The following LYPD8 variants were observed in gnomAD, a reference collection of about 807,000 sequenced individuals.
The protein encoded by LYPD8 is LY6/PLAUR domain containing 8, also known as ly6/PLAUR domain-containing protein 8.
In LYPD8, 8 loss-of-function variants were observed where a neutral mutation model predicts 1.7. That is an observed-to-expected ratio of 4.58 (90% CI 2.69 to 8.27). The LOEUF is 8.27. Ranked by LOEUF, LYPD8 falls within the 30% of genes most tolerant of loss-of-function variation. The pLI is 0.00. For missense variants in LYPD8, 112 were observed against 102.3 expected (o/e 1.09, Z -0.41); for synonymous variants, 50 against 43.6 (o/e 1.15, Z -0.58).
intron 2 of LYPD8, among the ~76,000 whole-genome samples, chr1:248,752,665 ACAC>A (rs1281931832): frequency 1.7e-4 from 21 of 126,348 alleles, no homozygotes; most frequent in Admixed American, 1.2e-3. Flanking sequence ...CACACCACAC[ACAC>A]CACACCACAC....
At chr1:248,746,647 G>C (rs1178169337) in intron 5 of LYPD8, among the ~76,000 whole-genome samples, 4,028 of 59,588 alleles carry the variant, frequency 0.068, 24 homozygotes, top group East Asian at 0.19. Flanking sequence ...CCAGGGCATC[G>C]CCCGCACGGC....
chr1:248,741,324 A>G (rs1662593334), intron 6 of LYPD8, among the ~76,000 whole-genome samples: 1 of 152,194 alleles, frequency 6.6e-6, no homozygotes, highest in South Asian at 2.1e-4. Context: ...CTCCTGCCTC[A>G]GCCCCCTGAG....
chr1:248,754,661 T>G (rs1321958550), intron 2 of LYPD8, among the ~76,000 whole-genome samples: 3 of 152,064 alleles, frequency 2.0e-5, no homozygotes, highest in Non-Finnish European at 4.4e-5. Flanking sequence ...CCTGATACCC[T>G]GGTTGACTTA....
At position 248,753,224 on chromosome 1, in the gene LYPD8, A is replaced by ACAC. The variant is rs1662855366; in HGVS notation, c.-50+2012_-50+2014dup. ...CCCCACACAACACACACACCACACC[A>ACAC]CACACACACACCACACACCCCACAC... On this transcript the variant is annotated intron_variant, in intron 2 of 6. Coordinates refer to ENST00000590317, the MANE Select transcript of LYPD8 (RefSeq NM_001085474.2). 1.2e-3 allele frequency among the ~76,000 whole-genome samples: 65 copies of ACAC among 55,992 alleles called. 1 individual carries two copies. The highest frequency in any genetic ancestry group is 2.1e-3 in the South Asian group (4 of 1,946). The allele number at this position is 55,992 out of a possible 152,430, so 36.7% of individuals were successfully genotyped here.
intron 6 of LYPD8, among the ~76,000 whole-genome samples, chr1:248,744,756 T>C (rs1353076984): frequency 6.6e-6 from 1 of 152,224 alleles, no homozygotes; most frequent in Non-Finnish European, 1.5e-5. Context: ...CCAACACCTC[T>C]TAGTGACAAC....
intron 6 of LYPD8, among the ~76,000 whole-genome samples, chr1:248,740,726 G>A (rs1553283239): frequency 1.9e-3 from 291 of 149,456 alleles, no homozygotes; most frequent in African/African-American, 6.8e-3. Context: ...ATGAAGCAGG[G>A]CCACAATTTG....
chr1:248,744,643 T>C (rs1373237119), intron 6 of LYPD8, among the ~76,000 whole-genome samples: 1 of 152,068 alleles, frequency 6.6e-6, no homozygotes, highest in African/African-American at 2.4e-5. Context: ...CAAATGTGTA[T>C]TTTACGATAG....
chr1:248,750,250 A>G (rs1377017880), intron 4 of LYPD8, among the ~76,000 whole-genome samples: 1 of 152,122 alleles, frequency 6.6e-6, no homozygotes, highest in African/African-American at 2.4e-5. Context: ...CTTGCTTCTC[A>G]CATCCACTGA....
intron 2 of LYPD8, among the ~76,000 whole-genome samples, chr1:248,753,920 C>A (rs1400682344): frequency 1.3e-5 from 2 of 150,412 alleles, no homozygotes; most frequent in African/African-American, 4.9e-5. Flanking sequence ...ATACTACATA[C>A]ACACAACACA....
At chr1:248,753,329 T>C (rs1250682166) in intron 2 of LYPD8, among the ~76,000 whole-genome samples, 242 of 30,966 alleles carry the variant, frequency 7.8e-3, no homozygotes, top group Admixed American at 0.011. Context: ...ACACAACACA[T>C]CACACACACC....
intron 2 of LYPD8, among the ~76,000 whole-genome samples, chr1:248,753,466 A>AACACAT (rs1662866351): frequency 1.8e-5 from 2 of 113,160 alleles, no homozygotes; most frequent in Non-Finnish European, 3.6e-5. Context: ...CACCCCACAC[A>AACACAT]ACACACCACA....
intron 2 of LYPD8, among the ~76,000 whole-genome samples, chr1:248,752,897 TC>T (rs1662838734): frequency 4.0e-5 from 1 of 24,794 alleles, no homozygotes. Flanking sequence ...CATACACACA[TC>T]ACACACACCC....
intron 4 of LYPD8, among the ~76,000 whole-genome samples, chr1:248,748,895 C>G (rs1249566378): frequency 6.6e-6 from 1 of 152,086 alleles, no homozygotes; most frequent in East Asian, 1.9e-4. Flanking sequence ...CTATTTGTGC[C>G]TATTTAAATT....
intron 6 of LYPD8, among the ~76,000 whole-genome samples, chr1:248,741,075 C>A (rs1173904133): frequency 6.6e-6 from 1 of 152,210 alleles, no homozygotes; most frequent in Non-Finnish European, 1.5e-5. Context: ...GATCGCACCC[C>A]TGCATTCCGG....
At chr1:248,750,962 C>G (rs1001820128) in intron 3 of LYPD8, 68 bp downstream of exon 3, 37,703 of 398,518 alleles carry the variant, frequency 0.095, 2,119 homozygotes, top group East Asian at 0.19. Flanking sequence ...GATTTGAGAG[C>G]AAGAAGACAC....
chr1:248,752,937 C>T lies in LYPD8; in HGVS notation c.-49-1807G>A, dbSNP rs1366800886. On this transcript the variant is annotated intron_variant, in intron 2 of 6. Transcript: ENST00000590317. ...ACACCAACACACCACATCACACACA[C>T]ACCACATCACACACACACCAAACAC... Among the ~76,000 whole-genome samples, 2 of 105,320 alleles carry T rather than the reference C, an allele frequency of 1.9e-5. 1 individual carries two copies. Among genetic ancestry groups the T allele is most frequent in the Non-Finnish European group, 3.7e-5 (2 of 53,426 alleles). The allele number at this position is 105,320 out of a possible 152,430, so 69.1% of individuals were successfully genotyped here.
rs982498549 is a variant in LYPD8 at position 248,751,186 on chromosome 1, C to T, written c.-49-56G>A. ...GCCTTGGAGGGCTGCCTCTCATCCC[C>T]TGGGGCTTTTAATCGCACTGTAAGA... On this transcript the variant is annotated intron_variant, in intron 2 of 6. Transcript: ENST00000590317. The T allele has an allele frequency of 2.1e-4, 82 of 398,016 alleles. No individual in the cohort carries two copies. In the East Asian group the frequency reaches 2.6e-3, roughly 12 times the overall value. 24.7% of individuals were successfully genotyped at this position (398,016 alleles called of 1,614,324 possible).
Position 248,739,659 on chromosome 1 carries a change from G to C in LYPD8, c.666C>G (p.Leu222=), listed in dbSNP as rs1553283047. 6.4e-7 allele frequency: 1 copy of C among 1,551,764 alleles called. No homozygotes were observed. The highest frequency in any genetic ancestry group is 1.2e-5 in the South Asian group (1 of 84,060). The change falls in exon 7 of 7, where the codon CTC becomes CTG. Residue 222 remains leucine (L), a synonymous_variant. Coordinates refer to ENST00000590317, the MANE Select transcript of LYPD8 (RefSeq NM_001085474.2). This position sits in a 1 kb window ranked among gnomAD's most constrained non-coding sequence, Gnocchi z 4.3. The part of the protein sequence containing the change: ...TSHNVGSKAS[L]YLLALASLLL... ...GGAGGCTGGCAAGGGCCAAGAGGTA[G>C]AGGGAAGCTTTGGAGCCCACGTTGT... is the stretch of plus-strand genomic sequence containing the variant.
intron 2 of LYPD8, among the ~76,000 whole-genome samples, chr1:248,753,324 A>AC (rs1662861394): frequency 1.1e-5 from 1 of 95,150 alleles, no homozygotes; most frequent in Non-Finnish European, 2.1e-5. Context: ...ACAACACACA[A>AC]CACATCACAC....
Sources: gnomAD v4.1 joint callset for allele counts (sites outside exome capture counted in the v4.1 genomes callset) on GRCh38, gnomAD v4.1.1 for gene constraint, Gnocchi (gnomAD v3.1) non-coding constraint, MANE v1.5 for transcripts, NCBI Gene and HGNC (gene_info 2026-07-23, HGNC 2026-07-21) for gene names.